Variants in GALNTL6 observed in about 807,000 individuals in gnomAD.
The protein encoded by GALNTL6 is polypeptide N-acetylgalactosaminyltransferase like 6, also known as polypeptide N-acetylgalactosaminyltransferase-like 6.
Under a neutral mutation model 73.7 loss-of-function variants are expected in GALNTL6, and 46 were observed. That is an observed-to-expected ratio of 0.62 (90% CI 0.49 to 0.80). GALNTL6 has a LOEUF of 0.80. Among genes scored for constraint, GALNTL6 ranks in the 30% least tolerant of loss-of-function variants. The pLI, the probability that GALNTL6 is intolerant of heterozygous loss-of-function variation, is 0.00. For synonymous variants in GALNTL6, 259 were observed against 263.7 expected (o/e 0.98, Z 0.17); for missense variants, 604 against 755.0 (o/e 0.80, Z 2.34).
intron 2 of GALNTL6, among the ~76,000 whole-genome samples, chr4:171,974,193 G>A (rs771417022): frequency 7.9e-5 from 12 of 151,410 alleles, no homozygotes; most frequent in Non-Finnish European, 1.6e-4. Flanking sequence ...TTAATAATCC[G>A]TGTATTCTGA....
chr4:172,436,608 C>G (rs1731643312), intron 5 of GALNTL6, among the ~76,000 whole-genome samples: 1 of 152,014 alleles, frequency 6.6e-6, no homozygotes. Context: ...ACACTTAAAC[C>G]ATATTCAGGT....
intron 2 of GALNTL6, among the ~76,000 whole-genome samples, chr4:172,033,198 G>T (rs1454438420): frequency 6.6e-6 from 1 of 151,340 alleles, no homozygotes; most frequent in Non-Finnish European, 1.5e-5. Context: ...AGAGAGATCA[G>T]ACAACTCTGA....
At chr4:172,686,838 G>A (rs1428198456) in intron 5 of GALNTL6, among the ~76,000 whole-genome samples, 2 of 152,072 alleles carry the variant, frequency 1.3e-5, no homozygotes, top group African/African-American at 4.8e-5. Flanking sequence ...ATCTATCCAT[G>A]GTTGACATAA....
At chr4:171,817,550 A>G (rs939266770) in intron 2 of GALNTL6, among the ~76,000 whole-genome samples, 1 of 151,838 alleles carries the variant, frequency 6.6e-6, no homozygotes, top group Non-Finnish European at 1.5e-5. Flanking sequence ...ATTAATTTTC[A>G]CAATGTTTAG....
chr4:172,004,589 T>C (rs1041733535), intron 2 of GALNTL6, among the ~76,000 whole-genome samples: 3 of 152,124 alleles, frequency 2.0e-5, no homozygotes, highest in Non-Finnish European at 2.9e-5. Context: ...ACTCAGCATA[T>C]GTACAATATA....
intron 5 of GALNTL6, among the ~76,000 whole-genome samples, chr4:172,604,144 A>G (rs898370573): frequency 1.3e-5 from 2 of 152,144 alleles, no homozygotes; most frequent in Admixed American, 6.6e-5. Context: ...TTATGCTGCT[A>G]TGTGATGAAA....
At chr4:172,104,527 G>T (rs1343142638) in intron 2 of GALNTL6, among the ~76,000 whole-genome samples, 1 of 152,096 alleles carries the variant, frequency 6.6e-6, no homozygotes, top group Non-Finnish European at 1.5e-5. Context: ...AAAGCAGCAA[G>T]AAACAGCTGC....
chr4:173,003,087 G>A (rs552073701), intron 10 of GALNTL6, among the ~76,000 whole-genome samples: 40 of 152,096 alleles, frequency 2.6e-4, no homozygotes, highest in Non-Finnish European at 4.9e-4. Context: ...TGCACTTAAT[G>A]CTATTCAATT....
chr4:172,221,563 G>T (rs1375512908), intron 2 of GALNTL6, among the ~76,000 whole-genome samples: 1 of 151,590 alleles, frequency 6.6e-6, no homozygotes, highest in Non-Finnish European at 1.5e-5. Flanking sequence ...GAGTTTGTGT[G>T]TGTGTGTGTG....
chr4:172,783,260 T>C (rs1312145812), intron 5 of GALNTL6, among the ~76,000 whole-genome samples: 1 of 150,316 alleles, frequency 6.7e-6, no homozygotes, highest in East Asian at 1.9e-4. Flanking sequence ...TGTTCATGGA[T>C]TTGGAAGCTT....
At chr4:172,465,615 A>G (rs555776452) in intron 5 of GALNTL6, among the ~76,000 whole-genome samples, 1 of 152,316 alleles carries the variant, frequency 6.6e-6, no homozygotes, top group South Asian at 2.1e-4. Context: ...CATGAATATG[A>G]AGAAACAAAA....
At chr4:172,785,095 G>T (rs759733967) in intron 5 of GALNTL6, among the ~76,000 whole-genome samples, 20 of 152,094 alleles carry the variant, frequency 1.3e-4, no homozygotes, top group Non-Finnish European at 2.4e-4. Context: ...GTGGTTCTTA[G>T]CCCCAGTATG....
chr4:171,988,955 C>T (rs1038176834), intron 2 of GALNTL6, among the ~76,000 whole-genome samples: 21 of 151,582 alleles, frequency 1.4e-4, no homozygotes, highest in South Asian at 2.2e-4. Context: ...GTGGCTGTAG[C>T]CTAGGAATAG....
chr4:172,668,539 G>A (rs1009756250), intron 5 of GALNTL6: 3 of 152,298 alleles, frequency 2.0e-5, no homozygotes, highest in South Asian at 2.1e-4. Flanking sequence ...ATTATAAGGA[G>A]ATATTGGGTA....
At chr4:172,788,942 A>G (rs1023852531) in intron 5 of GALNTL6, among the ~76,000 whole-genome samples, 1 of 152,170 alleles carries the variant, frequency 6.6e-6, no homozygotes, top group African/African-American at 2.4e-5. Flanking sequence ...TCTAAGATAC[A>G]CTGTATTGAA....
intron 12 of GALNTL6, among the ~76,000 whole-genome samples, chr4:173,034,630 T>A (rs1753609435): frequency 6.6e-6 from 1 of 152,202 alleles, no homozygotes; most frequent in African/African-American, 2.4e-5. Context: ...TTTGCATGGT[T>A]AATTAGCTTA....
chr4:172,347,747 C>T (rs1741800030), intron 4 of GALNTL6, among the ~76,000 whole-genome samples: 2 of 152,012 alleles, frequency 1.3e-5, no homozygotes, highest in Admixed American at 1.3e-4. Context: ...GGTTTTCAGA[C>T]ACTTTTCATT....
At chr4:172,814,184 T>C (rs1741472289) in intron 7 of GALNTL6, among the ~76,000 whole-genome samples, 1 of 152,196 alleles carries the variant, frequency 6.6e-6, no homozygotes, top group Non-Finnish European at 1.5e-5. Flanking sequence ...AACGGAAGCG[T>C]GCTCCTAAGC....
At chr4:172,269,605 T>C (rs896467173) in intron 3 of GALNTL6, among the ~76,000 whole-genome samples, 1 of 152,184 alleles carries the variant, frequency 6.6e-6, no homozygotes, top group Admixed American at 6.5e-5. Context: ...GAAGTTACCT[T>C]GATTTAGAAA....
Sources: gnomAD v4.1 joint callset for allele counts (sites outside exome capture counted in the v4.1 genomes callset) on GRCh38, gnomAD v4.1.1 for gene constraint, MANE v1.5 for transcripts, NCBI Gene and HGNC (gene_info 2026-07-23, HGNC 2026-07-21) for gene names.